The following ARIH1 variants were observed in gnomAD, a reference collection of about 807,000 sequenced individuals.
ARIH1 encodes E3 ubiquitin-protein ligase ARIH1.
ARIH1 carries 8 observed loss-of-function variants against 85.0 expected under a neutral mutation model. That is an observed-to-expected ratio of 0.09 (90% CI 0.06 to 0.17). The LOEUF is 0.17. Among genes scored for constraint, ARIH1 ranks in the 10% least tolerant of loss-of-function variants. The pLI is 1.00. For missense variants in ARIH1, 311 were observed against 718.1 expected (o/e 0.43, Z 6.48); for synonymous variants, 238 against 253.6 (o/e 0.94, Z 0.59).
chr15:72,553,778 G>A (rs371615325), intron 3 of ARIH1, among the ~76,000 whole-genome samples: 1 of 152,170 alleles, frequency 6.6e-6, no homozygotes, highest in East Asian at 1.9e-4. Context: ...TTAGCTGGGC[G>A]TGGTGGTGCG....
intron 1 of ARIH1, among the ~76,000 whole-genome samples, chr15:72,511,332 T>G (rs1186832494): frequency 6.6e-6 from 1 of 152,178 alleles, no homozygotes; most frequent in African/African-American, 2.4e-5. Flanking sequence ...GATGGAGTTT[T>G]GCTCTTGTTG....
At chr15:72,511,385 C>T (rs559549915) in intron 1 of ARIH1, among the ~76,000 whole-genome samples, 6 of 152,190 alleles carry the variant, frequency 3.9e-5, no homozygotes, top group African/African-American at 1.4e-4. Flanking sequence ...TCACTTGTAA[C>T]CTCCGCTTCC....
Position 72,575,523 on chromosome 15 carries a change from C to G in ARIH1, c.1215+3358C>G, listed in dbSNP as rs1022184448. ...CCATGGTTGTGCCACTGCACTCTAG[C>G]TCAAGCAACAGAGCAAGACCCTGTC... On this transcript the variant is annotated intron_variant, in intron 11 of 13. Coordinates refer to ENST00000379887, the MANE Select transcript of ARIH1 (RefSeq NM_005744.5). 7.0e-5 allele frequency among the ~76,000 whole-genome samples: 9 copies of G among 129,458 alleles called. No individual in the cohort carries two copies. The Admixed American group carries it at 8.5e-4, about 12-fold the overall frequency. The allele number at this position is 129,458 out of a possible 152,430, so 84.9% of individuals were successfully genotyped here.
chr15:72,474,964 A>C lies in ARIH1; in HGVS notation c.325A>C (p.Ile109Leu). 6.4e-7 allele frequency: 1 copy of C among 1,559,298 alleles called. No homozygotes were observed. The highest frequency in any genetic ancestry group is 8.7e-7 in the Non-Finnish European group (1 of 1,151,508). Residue 109 changes from isoleucine to leucine, a missense_variant, in exon 1 of 14, where the codon ATT becomes CTT. Physicochemically the swap from Ile to Leu is conservative, Grantham distance 5. Transcript: ENST00000379887. Reference sequence around the variant, plus strand: ...CTACGAGGTGCTCACGGCCGAGCAGATTCTACAACACATGGTGGAATGTAT... The same window carrying C: ...CTACGAGGTGCTCACGGCCGAGCAGCTTCTACAACACATGGTGGAATGTAT... ...YRYEVLTAEQ[I>L]LQHMVECIRE...
intron 9 of ARIH1, 86 bp downstream of exon 9, chr15:72,567,263 C>CT: frequency 1.0e-6 from 1 of 964,104 alleles, no homozygotes; most frequent in Non-Finnish European, 1.6e-6. Context: ...AGGTGACCTA[C>CT]TTACAGGCTT....
intron 1 of ARIH1, among the ~76,000 whole-genome samples, chr15:72,476,754 C>T (rs557247179): frequency 2.0e-5 from 3 of 152,250 alleles, no homozygotes; most frequent in East Asian, 3.9e-4. Flanking sequence ...CAACAAAATG[C>T]GAACTGTAGT....
chr15:72,586,496 C>G lies in ARIH1; in HGVS notation c.*3204C>G, dbSNP rs1398780816. ...TAGATTTCATTGTAACTGGACTGTT[C>G]AGGTTGCCCAGAGGGAAAGAACATT... On this transcript the variant is annotated 3_prime_UTR_variant, in exon 14 of 14. Coordinates refer to ENST00000379887, the MANE Select transcript of ARIH1 (RefSeq NM_005744.5). 1 of 152,292 alleles carries G rather than the reference C, an allele frequency of 6.6e-6. No individual in the cohort carries two copies. Among genetic ancestry groups the G allele is most frequent in the South Asian group, 2.1e-4 (1 of 4,822 alleles). The allele number at this position is 152,292 out of a possible 1,614,324, so 9.4% of individuals were successfully genotyped here. A position where few individuals can be genotyped will look rare whatever the true frequency, so the allele number is the denominator to read the frequency against.
chr15:72,573,265 A>G (rs1213650497), intron 11 of ARIH1, among the ~76,000 whole-genome samples: 4 of 152,180 alleles, frequency 2.6e-5, no homozygotes. Flanking sequence ...CTTTTTAAAA[A>G]GACTGGGAAA....
chr15:72,506,372 A>AAAAAAG (rs2063925840), intron 1 of ARIH1, among the ~76,000 whole-genome samples: 3 of 150,148 alleles, frequency 2.0e-5, no homozygotes, highest in Non-Finnish European at 4.4e-5. Flanking sequence ...AAAAGAAAAA[A>AAAAAAG]AAAAAGAACT....
chr15:72,483,525 T>C (rs1056151024), intron 1 of ARIH1, among the ~76,000 whole-genome samples: 1 of 152,214 alleles, frequency 6.6e-6, no homozygotes, highest in African/African-American at 2.4e-5. Flanking sequence ...TTGGGGGCTA[T>C]CTTAGAGGCC....
intron 1 of ARIH1, among the ~76,000 whole-genome samples, chr15:72,494,288 G>C (rs2063871094): frequency 6.6e-6 from 1 of 152,192 alleles, no homozygotes; most frequent in Non-Finnish European, 1.5e-5. Flanking sequence ...GCGACGCTTT[G>C]TTTCATAGTA....
In ARIH1 at chr15:72,595,600, T is replaced by A. The variant is rs1049670545; in HGVS notation, c.*12308T>A. The A allele has an allele frequency of 2.6e-5, 4 of 152,238 alleles. No homozygotes were observed. The highest frequency in any genetic ancestry group is 9.7e-5 in the African/African-American group (4 of 41,424). 9.4% of individuals were successfully genotyped at this position (152,238 alleles called of 1,614,324 possible). A position where few individuals can be genotyped will look rare whatever the true frequency, so the allele number is the denominator to read the frequency against. ...CTCCAGCAATCATCCTGCCTCAGCC[T>A]CCCGAGTAGCTGGGACCACAGGTGT... On this transcript the variant is annotated 3_prime_UTR_variant, in exon 14 of 14. Transcript: ENST00000379887.
intron 1 of ARIH1, among the ~76,000 whole-genome samples, chr15:72,493,017 T>C (rs373061049): frequency 6.6e-6 from 1 of 152,136 alleles, no homozygotes; most frequent in Non-Finnish European, 1.5e-5. Flanking sequence ...CAACCACATA[T>C]CAAGTACTAC....
chr15:72,541,914 A>C (rs537334977), intron 2 of ARIH1, among the ~76,000 whole-genome samples: 1 of 152,366 alleles, frequency 6.6e-6, no homozygotes, highest in South Asian at 2.1e-4. Context: ...ACTGCAGAGT[A>C]ACAATGGGAT....
chr15:72,481,612 G>A (rs748334317), intron 1 of ARIH1, among the ~76,000 whole-genome samples: 7 of 151,992 alleles, frequency 4.6e-5, no homozygotes, highest in Non-Finnish European at 8.8e-5. Context: ...CTTGAACCTG[G>A]GAATTGGAGG....
chr15:72,513,217 C>T (rs562931825), intron 1 of ARIH1, among the ~76,000 whole-genome samples: 29 of 152,082 alleles, frequency 1.9e-4, no homozygotes, highest in Admixed American at 1.0e-3. Context: ...CTCTTTGTTC[C>T]TCCTTTTTCT....
chr15:72,564,741 G>A (rs147621582), intron 7 of ARIH1, among the ~76,000 whole-genome samples: 36 of 152,122 alleles, frequency 2.4e-4, no homozygotes, highest in Non-Finnish European at 4.4e-4. Flanking sequence ...CAAGATCAAG[G>A]TGCCAAAAGA....
rs890255198 is a variant in ARIH1 at position 72,474,691 on chromosome 15, A to T, written c.52A>T (p.Ser18Cys). ...CGAGTTCGACGAGGACGAGGAGTGC[A>T]GTGAGGAGGACAGCGGCGCCGAGGA... ...NYEFDEDEEC[S>C]EEDSGAEEEE... The change falls in exon 1 of 14, where the codon AGT becomes TGT. Residue 18 changes from serine (S) to cysteine (C), a missense_variant. This residue lies in a region of ARIH1 where 157 missense variants were observed against 185.1 expected (regional missense o/e 0.85). Transcript: ENST00000379887. 4.4e-6 allele frequency: 7 copies of T among 1,573,968 alleles called. No individual in the cohort carries two copies. The highest frequency in any genetic ancestry group is 6.0e-6 in the Non-Finnish European group (7 of 1,161,542).
chr15:72,568,973 A>T (rs1595872404), intron 9 of ARIH1, among the ~76,000 whole-genome samples: 1 of 152,176 alleles, frequency 6.6e-6, no homozygotes, highest in Non-Finnish European at 1.5e-5. Context: ...CAAAAAATCC[A>T]TAGGCCTACA....
Sources: gnomAD v4.1 joint callset for allele counts (sites outside exome capture counted in the v4.1 genomes callset) on GRCh38, gnomAD v4.1.1 for gene constraint, gnomAD v4.1.1 regional missense constraint, MANE v1.5 for transcripts, NCBI Gene and HGNC (gene_info 2026-07-23, HGNC 2026-07-21) for gene names.